EXTL3: variants seen among roughly 807,000 people sequenced by gnomAD.
The protein encoded by EXTL3 is exostosin-like 3.
EXTL3 carries 27 observed loss-of-function variants against 69.3 expected under a neutral mutation model. The ratio of observed to expected loss-of-function variants is 0.39; its 90% confidence interval spans 0.29 to 0.54. The LOEUF (loss-of-function observed/expected upper bound fraction) is 0.54. EXTL3 is among the 20% of genes least tolerant of loss of function. The probability of loss-of-function intolerance (pLI) is 0.69; values close to 1 mark genes in which losing one functional copy is unlikely to be tolerated. For missense variants in EXTL3, 1,003 were observed against 1,231.8 expected, an observed-to-expected ratio of 0.81 and a Z score of 2.78; for synonymous variants, 511 against 499.4, an observed-to-expected ratio of 1.02 and a Z score of -0.31.
At chr8:28,669,126 A>C (rs1807245494) in intron 1 of EXTL3, among the ~76,000 whole-genome samples, 1 of 152,124 alleles carries the variant, frequency 6.6e-6, no homozygotes, top group Admixed American at 6.5e-5. Context: ...GGCCTCCCAA[A>C]ATACTGGGAT....
chr8:28,724,126 A>G (rs1274534807), intron 3 of EXTL3, among the ~76,000 whole-genome samples: 1 of 152,194 alleles, frequency 6.6e-6, no homozygotes, highest in East Asian at 1.9e-4. Context: ...AAATTAAAAT[A>G]GAGACTGCTA....
intron 1 of EXTL3, chr8:28,710,613 C>CTTTTTTTTTT (rs11446791): frequency 7.3e-6 from 2 of 272,866 alleles, no homozygotes; most frequent in East Asian, 1.2e-4. Flanking sequence ...TTCTTTCTTT[C>CTTTTTTTTTT]TTTTTTTTTT....
chr8:28,697,929 T>C (rs1456983441), upstream of EXTL3: 1 of 152,012 alleles, frequency 6.6e-6, no homozygotes, highest in Non-Finnish European at 1.5e-5. Flanking sequence ...AGATAATAAG[T>C]GCTGTAAAAT....
At chr8:28,622,929 C>T (rs914165601) in intron 1 of EXTL3, 2 of 152,150 alleles carry the variant, frequency 1.3e-5, no homozygotes, top group African/African-American at 4.8e-5. Context: ...CGCTGTAGCC[C>T]GGGCTTTACC....
chr8:28,718,014 C>A lies in EXTL3; in HGVS notation c.1955C>A (p.Ala652Glu), dbSNP rs745922565. ...GAGGSGKEFQAALGGNVPREQ... is the reference protein window; with the variant it reads ...GAGGSGKEFQEALGGNVPREQ... Reference sequence around the variant, plus strand: ...GGGGGTTCTGGCAAGGAATTTCAGGCAGCGCTTGGAGGCAATGTTCCCCGA... The same window carrying A: ...GGGGGTTCTGGCAAGGAATTTCAGGAAGCGCTTGGAGGCAATGTTCCCCGA... The change falls in exon 3 of 7, where the codon GCA (alanine) becomes GAA (glutamate). Residue 652 changes from alanine (A) to glutamate (E), a missense_variant. By Grantham distance (107) the Ala-to-Glu change is moderately radical (BLOSUM62 -1). Around this residue, in one of 2 missense-constraint regions of EXTL3, gnomAD observed 261 missense variants for 416.4 expected, o/e 0.63. Coordinates refer to ENST00000220562, the MANE Select transcript of EXTL3 (RefSeq NM_001440.4). The A allele has an allele frequency of 6.2e-7, 1 of 1,613,866 alleles. No individual in the cohort carries two copies. The highest frequency in any genetic ancestry group is 8.5e-7 in the Non-Finnish European group (1 of 1,179,958).
At chr8:28,671,602 G>A (rs1201938230) in intron 1 of EXTL3, among the ~76,000 whole-genome samples, 2 of 152,080 alleles carry the variant, frequency 1.3e-5, no homozygotes, top group East Asian at 1.9e-4. Flanking sequence ...GCCTCCCAAA[G>A]TGCTGGGATT....
intron 1 of EXTL3, among the ~76,000 whole-genome samples, chr8:28,711,328 T>C (rs1158809415): frequency 1.3e-5 from 2 of 152,210 alleles, no homozygotes; most frequent in Non-Finnish European, 2.9e-5. Flanking sequence ...TGATTTCTGC[T>C]CTTTAGGTTT....
rs1330499395 is a variant in EXTL3, at chr8:28,750,776, G to A, written c.2670G>A (p.Met890Ile). 1 of 1,614,178 alleles carries A rather than the reference G, an allele frequency of 6.2e-7. No homozygotes were observed. The highest frequency in any genetic ancestry group is 8.5e-7 in the Non-Finnish European group (1 of 1,180,010). ...INFFVKVYGY[M>I]PLLYTQFRVD... is the part of the protein sequence containing the mutation. ...TCTTCGTGAAGGTGTACGGCTACATGCCCCTCCTGTACACGCAGTTCAGGG... is the reference window on the plus strand; with the variant it reads ...TCTTCGTGAAGGTGTACGGCTACATACCCCTCCTGTACACGCAGTTCAGGG... The change falls in exon 7 of 7, where the codon ATG becomes ATA. Residue 890 changes from methionine to isoleucine, a missense_variant. This residue lies in a region of EXTL3 where 261 missense variants were observed against 416.4 expected (regional missense o/e 0.63). Coordinates refer to ENST00000220562, the MANE Select transcript of EXTL3 (RefSeq NM_001440.4). This position sits in a 1 kb window ranked among gnomAD's most constrained non-coding sequence, Gnocchi z 5.2.
chr8:28,631,838 C>G (rs1585222120), intron 1 of EXTL3, among the ~76,000 whole-genome samples: 1 of 152,098 alleles, frequency 6.6e-6, no homozygotes, highest in Non-Finnish European at 1.5e-5. Context: ...GCCTGTAATC[C>G]CAGCACTTTG....
chr8:28,730,691 C>T (rs973330179), intron 3 of EXTL3, among the ~76,000 whole-genome samples: 7 of 152,158 alleles, frequency 4.6e-5, no homozygotes, highest in South Asian at 2.1e-4. Flanking sequence ...AGTTTGTGTA[C>T]GAGTAGTCAG....
intron 2 of EXTL3, among the ~76,000 whole-genome samples, chr8:28,610,601 A>C: frequency 6.6e-6 from 1 of 152,202 alleles, no homozygotes; most frequent in East Asian, 1.9e-4. Flanking sequence ...TCAGCCCTAC[A>C]TAGTGCTTCA....
In EXTL3 at chr8:28,634,582, A is replaced by G. The variant is rs1040434647; in HGVS notation, c.-53+11772A>G. Among the ~76,000 whole-genome samples, 4 of 130,494 alleles carry G rather than the reference A, an allele frequency of 3.1e-5. No individual in the cohort carries two copies. The South Asian group carries it at 9.5e-4, about 31-fold the overall frequency. 85.6% of individuals were successfully genotyped at this position (130,494 alleles called of 152,430 possible). ...TTCTGCCCATCCTGGAAGAGGGAAG[A>G]GATGACCACATCTGCTTTTTTTTTT... On this transcript the variant is annotated intron_variant, in intron 1 of 6. Transcript: ENST00000523149.
At chr8:28,647,767 A>G (rs1385713695) in intron 1 of EXTL3, among the ~76,000 whole-genome samples, 2 of 152,126 alleles carry the variant, frequency 1.3e-5, no homozygotes, top group Admixed American at 1.3e-4. Context: ...AAAGTATTTA[A>G]TTATCTCTGC....
chr8:28,669,508 T>TGG (rs1181483299), intron 1 of EXTL3, among the ~76,000 whole-genome samples: 1 of 152,222 alleles, frequency 6.6e-6, no homozygotes, highest in Non-Finnish European at 1.5e-5. Context: ...CTTTCAAAAG[T>TGG]ATGTCTGAGA....
intron 1 of EXTL3, among the ~76,000 whole-genome samples, chr8:28,687,439 C>G (rs1205861441): frequency 6.6e-6 from 1 of 152,050 alleles, no homozygotes; most frequent in East Asian, 1.9e-4. Flanking sequence ...GCACTCCAGC[C>G]TGGGCAACAG....
intron 1 of EXTL3, among the ~76,000 whole-genome samples, chr8:28,688,990 T>C (rs567725193): frequency 4.6e-5 from 7 of 152,344 alleles, no homozygotes; most frequent in Admixed American, 1.3e-4. Flanking sequence ...TCTGCATCCA[T>C]TGGGAAACTC....
chr8:28,610,991 C>T (rs978313971), intron 2 of EXTL3, among the ~76,000 whole-genome samples: 3 of 152,218 alleles, frequency 2.0e-5, no homozygotes, highest in South Asian at 2.1e-4. Context: ...GATCCATCCA[C>T]CTCGGCCTCC....
intron 1 of EXTL3, among the ~76,000 whole-genome samples, chr8:28,704,021 T>A (rs531213400): frequency 4.2e-4 from 64 of 152,308 alleles, no homozygotes; most frequent in Middle Eastern, 3.4e-3. Context: ...CCTGTAAGCT[T>A]CATCTTTTCT....
intron 6 of EXTL3, among the ~76,000 whole-genome samples, chr8:28,744,405 C>A (rs918601258): frequency 1.3e-5 from 2 of 152,216 alleles, no homozygotes; most frequent in African/African-American, 2.4e-5. Context: ...TGCCTGTAAT[C>A]CCAGCACTTT....
Sources: gnomAD v4.1 joint callset for allele counts (sites outside exome capture counted in the v4.1 genomes callset) on GRCh38, gnomAD v4.1.1 for gene constraint, gnomAD v4.1.1 regional missense constraint, Gnocchi (gnomAD v3.1) non-coding constraint, MANE v1.5 for transcripts, NCBI Gene and HGNC (gene_info 2026-07-23, HGNC 2026-07-21) for gene names.